NEURL1B: variants seen among roughly 807,000 people sequenced by gnomAD.
NEURL1B encodes E3 ubiquitin-protein ligase NEURL1B.
NEURL1B carries 13 observed loss-of-function variants against 37.4 expected under a neutral mutation model. That is an observed-to-expected ratio of 0.35 (90% CI 0.23 to 0.55). The LOEUF (loss-of-function observed/expected upper bound fraction) is 0.55, where lower values mean the gene tolerates loss of function less well. Ranked by LOEUF, NEURL1B falls within the 20% of genes least tolerant of loss-of-function variation. The pLI is 0.89. For missense variants in NEURL1B, 790 were observed against 879.2 expected, an observed-to-expected ratio of 0.90 and a Z score of 1.28; for synonymous variants, 432 against 426.6, an observed-to-expected ratio of 1.01 and a Z score of -0.16.
intron 2 of NEURL1B, among the ~76,000 whole-genome samples, chr5:172,671,022 G>T (rs1472407834): frequency 1.3e-5 from 2 of 152,224 alleles, no homozygotes; most frequent in Non-Finnish European, 2.9e-5. Flanking sequence ...TTTGCTACCT[G>T]TATCTCAAGA....
At chr5:172,653,878 T>C (rs1031823293) in intron 1 of NEURL1B, among the ~76,000 whole-genome samples, 5 of 152,226 alleles carry the variant, frequency 3.3e-5, no homozygotes, top group Non-Finnish European at 7.3e-5. Context: ...CAGACAATTC[T>C]TCAACATGCC....
At position 172,683,255 on chromosome 5, in the gene NEURL1B, A is replaced by G. The variant is rs1170286952; in HGVS notation, c.578-164A>G. Among the ~76,000 whole-genome samples, 2 of 152,172 alleles carry G rather than the reference A, an allele frequency of 1.3e-5. No individual in the cohort carries two copies. The highest frequency in any genetic ancestry group is 2.4e-5 in the African/African-American group (1 of 41,444). ...TCTGTGCTCCTGTGACTCACTAAAT[A>G]ACACAGATGGACAAAAGGAGAGTTC... On this transcript the variant is annotated intron_variant, in intron 2 of 4. Coordinates refer to ENST00000369800, the MANE Select transcript of NEURL1B (RefSeq NM_001142651.3). This position sits in a 1 kb window ranked among gnomAD's most constrained non-coding sequence, Gnocchi z 5.6.
chr5:172,642,362 C>A (rs1196071657), intron 1 of NEURL1B, among the ~76,000 whole-genome samples: 1 of 152,206 alleles, frequency 6.6e-6, no homozygotes, highest in Non-Finnish European at 1.5e-5. Context: ...CCCTCCCTCC[C>A]CTCACACGCC....
chr5:172,684,215 C>T, intron 3 of NEURL1B, 77 bp downstream of exon 3: 2 of 1,119,216 alleles, frequency 1.8e-6, no homozygotes, highest in Non-Finnish European at 2.2e-6. Context: ...GCGCTCTTCC[C>T]CGGCCCCGCC....
chr5:172,670,162 C>G lies in NEURL1B; in HGVS notation c.409C>G (p.Leu137Val). 1 of 1,497,488 alleles carries G rather than the reference C, an allele frequency of 6.7e-7. No individual in the cohort carries two copies. The allele number at this position is 1,497,488 out of a possible 1,614,324, so 92.8% of individuals were successfully genotyped here. A position where few individuals can be genotyped will look rare whatever the true frequency, so the allele number is the denominator to read the frequency against. Residue 137 changes from leucine (L) to valine (V), a missense_variant, in exon 2 of 5, where the codon CTG (leucine) becomes GTG (valine). Coordinates refer to ENST00000369800, the MANE Select transcript of NEURL1B (RefSeq NM_001142651.3). ...GYWAKALPEN[L>V]ALRDTVLAYW... is the part of the protein sequence containing the mutation. ...CTGGGCCAAGGCACTGCCCGAGAACCTGGCGCTGCGCGACACGGTGCTGGC... is the reference window on the plus strand; with the variant it reads ...CTGGGCCAAGGCACTGCCCGAGAACGTGGCGCTGCGCGACACGGTGCTGGC...
chr5:172,670,455 T>C, intron 2 of NEURL1B, 125 bp downstream of exon 2: 1 of 694,980 alleles, frequency 1.4e-6, no homozygotes, highest in Non-Finnish European at 2.0e-6. Context: ...CACTAAGCGC[T>C]TTACGCCTTT....
At chr5:172,666,031 G>A (rs180820721) in intron 1 of NEURL1B, among the ~76,000 whole-genome samples, 1 of 152,176 alleles carries the variant, frequency 6.6e-6, no homozygotes, top group African/African-American at 2.4e-5. Context: ...TCCAGTGCCT[G>A]GCAAGTCTGC....
chr5:172,677,784 GA>G lies in NEURL1B; in HGVS notation c.578-5634del, dbSNP rs557984849. 1.8e-3 allele frequency among the ~76,000 whole-genome samples: 279 copies of G among 152,196 alleles called. 2 individuals carry two copies. Among genetic ancestry groups the G allele is most frequent in the Non-Finnish European group, 3.6e-3 (243 of 68,000 alleles). On this transcript the variant is annotated intron_variant, in intron 2 of 4. Coordinates refer to ENST00000369800, the MANE Select transcript of NEURL1B (RefSeq NM_001142651.3). The stretch of plus-strand genomic sequence containing the variant: ...TCCGCCTCCACGGAATCACCCCCAT[GA>G]GCACACAGAAGAGCCCCGGTGGCGT...
In NEURL1B at chr5:172,683,678, C is replaced by T. The variant is rs1248756417; in HGVS notation, c.837C>T (p.Asp279=). Residue 279 remains aspartate, a synonymous_variant, in exon 3 of 5, where the codon GAC becomes GAT. Coordinates refer to ENST00000369800, the MANE Select transcript of NEURL1B (RefSeq NM_001142651.3). This position sits in a 1 kb window ranked among gnomAD's most constrained non-coding sequence, Gnocchi z 5.6. Reference sequence around the variant, plus strand: ...CGTCGCCGGCGCTACTGGAGGCCGACCTGCGCTTCCACGCAACACGCGGGC... The same window carrying T: ...CGTCGCCGGCGCTACTGGAGGCCGATCTGCGCTTCCACGCAACACGCGGGC... ...PASSPALLEA[D]LRFHATRGPD... is the part of the protein sequence containing the mutation. 2.3e-6 allele frequency: 3 copies of T among 1,332,036 alleles called. No individual in the cohort carries two copies. The highest frequency in any genetic ancestry group is 2.9e-6 in the Non-Finnish European group (3 of 1,032,448). The allele number at this position is 1,332,036 out of a possible 1,614,324, so 82.5% of individuals were successfully genotyped here.
intron 1 of NEURL1B, among the ~76,000 whole-genome samples, chr5:172,660,338 A>G (rs1216348532): frequency 6.6e-6 from 1 of 152,184 alleles, no homozygotes; most frequent in Non-Finnish European, 1.5e-5. Flanking sequence ...CTCGCATCAG[A>G]GCCCACTCAA....
intron 1 of NEURL1B, among the ~76,000 whole-genome samples, chr5:172,648,397 C>G (rs555885889): frequency 9.3e-5 from 14 of 150,682 alleles, no homozygotes; most frequent in Admixed American, 9.2e-4. Context: ...ACTTGTATCA[C>G]GTAACCACTA....
chr5:172,655,865 G>A lies in NEURL1B; in HGVS notation c.32-13920G>A, dbSNP rs180692512. ...ACAAGAACCAGAGACCGCCCCCTGA[G>A]GGGAATATAATCACGGGCGAGCCCC... On this transcript the variant is annotated intron_variant, in intron 1 of 4. Transcript: ENST00000369800. Among the ~76,000 whole-genome samples the A allele has an allele frequency of 2.0e-4, 30 of 152,270 alleles. No homozygotes were observed. The East Asian group carries it at 5.8e-3, about 29-fold the overall frequency.
At chr5:172,660,300 G>A (rs115625162) in intron 1 of NEURL1B, among the ~76,000 whole-genome samples, 1,577 of 152,294 alleles carry the variant, frequency 0.01, 28 homozygotes, top group African/African-American at 0.037. Context: ...TTGAGGGGGC[G>A]TCGGGATGAC....
chr5:172,655,301 C>G (rs1485811943), intron 1 of NEURL1B, among the ~76,000 whole-genome samples: 1 of 152,110 alleles, frequency 6.6e-6, no homozygotes, highest in Non-Finnish European at 1.5e-5. Context: ...ACCCCTCAAA[C>G]CAGGGGGTGT....
intron 1 of NEURL1B, among the ~76,000 whole-genome samples, chr5:172,660,752 T>A (rs1236027210): frequency 1.3e-5 from 2 of 152,190 alleles, no homozygotes; most frequent in African/African-American, 4.8e-5. Flanking sequence ...GTGATTCTCC[T>A]GCCTCAGCCT....
chr5:172,646,035 C>T (rs563421838), intron 1 of NEURL1B, among the ~76,000 whole-genome samples: 30 of 152,252 alleles, frequency 2.0e-4, no homozygotes, highest in African/African-American at 5.3e-4. Flanking sequence ...GTTGCGCATG[C>T]GGGTGTGTGT....
intron 1 of NEURL1B, among the ~76,000 whole-genome samples, chr5:172,642,107 G>T (rs1757473919): frequency 6.6e-6 from 1 of 152,216 alleles, no homozygotes; most frequent in Non-Finnish European, 1.5e-5. Context: ...GTAGGAGGAG[G>T]CCTTACTGGA....
At chr5:172,660,318 C>G (rs563809194) in intron 1 of NEURL1B, among the ~76,000 whole-genome samples, 2 of 152,202 alleles carry the variant, frequency 1.3e-5, no homozygotes, top group Non-Finnish European at 2.9e-5. Flanking sequence ...GACCTCACCC[C>G]CTGGGAACTC....
intron 3 of NEURL1B, 124 bp downstream of exon 3, chr5:172,684,262 G>A (rs1299370933): frequency 3.4e-6 from 3 of 885,092 alleles, no homozygotes; most frequent in East Asian, 4.1e-5. Context: ...AGGCCAGCCC[G>A]CGGTTCCCAA....
Sources: allele counts gnomAD v4.1 joint callset (sites outside exome capture counted in the v4.1 genomes callset), GRCh38; gene constraint gnomAD v4.1.1; non-coding constraint Gnocchi (gnomAD v3.1); transcripts MANE v1.5; gene names NCBI Gene and HGNC (gene_info 2026-07-23, HGNC 2026-07-21).